FSTL5: variants seen among roughly 807,000 people sequenced by gnomAD.
FSTL5 encodes follistatin like 5.
Under a neutral mutation model 89.1 loss-of-function variants are expected in FSTL5, and 62 were observed. That is an observed-to-expected ratio of 0.70 (90% confidence interval 0.57 to 0.86). The LOEUF is 0.86. Among genes scored for constraint, FSTL5 ranks in the 40% least tolerant of loss-of-function variants. The pLI, the probability that FSTL5 is intolerant of heterozygous loss-of-function variation, is 0.00. For missense variants in FSTL5, 1,057 were observed against 1,001.6 expected, an observed-to-expected ratio of 1.06 and a Z score of -0.75; for synonymous variants, 383 against 346.2, an observed-to-expected ratio of 1.11 and a Z score of -1.18.
chr4:161,449,004 T>C (rs1733057723), intron 15 of FSTL5, among the ~76,000 whole-genome samples: 1 of 152,206 alleles, frequency 6.6e-6, no homozygotes, highest in Non-Finnish European at 1.5e-5. Context: ...ACTAGTTGTT[T>C]GTTTACTTGT....
chr4:161,412,351 T>C (rs1731620651), intron 15 of FSTL5, among the ~76,000 whole-genome samples: 1 of 151,852 alleles, frequency 6.6e-6, no homozygotes. Context: ...CTAAAATTCA[T>C]ATAGAACCAA....
chr4:162,143,742 A>C (rs372591537), intron 1 of FSTL5, among the ~76,000 whole-genome samples: 6 of 24,960 alleles, frequency 2.4e-4, no homozygotes, highest in African/African-American at 6.2e-4. Context: ...ACACACACAC[A>C]CACACACCCA....
At chr4:161,542,925 C>T (rs1454120824) in intron 8 of FSTL5, among the ~76,000 whole-genome samples, 1 of 151,852 alleles carries the variant, frequency 6.6e-6, no homozygotes, top group Non-Finnish European at 1.5e-5. Context: ...CCTGGAATAT[C>T]TTGTTTCAGA....
intron 3 of FSTL5, among the ~76,000 whole-genome samples, chr4:161,940,819 A>G (rs1277411201): frequency 4.0e-5 from 6 of 151,816 alleles, no homozygotes; most frequent in Non-Finnish European, 8.8e-5. Context: ...GCAACATGAA[A>G]AAAACAAAAC....
chr4:161,902,912 C>A (rs1160323875), intron 4 of FSTL5, among the ~76,000 whole-genome samples: 1 of 152,036 alleles, frequency 6.6e-6, no homozygotes, highest in Non-Finnish European at 1.5e-5. Flanking sequence ...TAATTCTTGC[C>A]TACCCTCATA....
At chr4:161,720,407 A>G (rs1739155356) in intron 6 of FSTL5, among the ~76,000 whole-genome samples, 1 of 152,142 alleles carries the variant, frequency 6.6e-6, no homozygotes, top group African/African-American at 2.4e-5. Context: ...TTTGTACACT[A>G]TTGATGGGAA....
At chr4:162,070,858 T>C (rs1729591701) in intron 2 of FSTL5, among the ~76,000 whole-genome samples, 1 of 151,734 alleles carries the variant, frequency 6.6e-6, no homozygotes, top group Admixed American at 6.6e-5. Flanking sequence ...GCATGCAAAC[T>C]TGAGGAAATT....
chr4:162,108,876 T>C (rs1731331231), intron 2 of FSTL5, among the ~76,000 whole-genome samples: 1 of 152,060 alleles, frequency 6.6e-6, no homozygotes, highest in South Asian at 2.1e-4. Flanking sequence ...CCATAATTTA[T>C]TGAACGTGTA....
chr4:161,652,581 T>C (rs1327244176), intron 7 of FSTL5, among the ~76,000 whole-genome samples: 1 of 152,150 alleles, frequency 6.6e-6, no homozygotes, highest in Non-Finnish European at 1.5e-5. Flanking sequence ...AATAAAATTA[T>C]ATATGCAATG....
At chr4:161,633,912 T>G (rs183505412) in intron 7 of FSTL5, among the ~76,000 whole-genome samples, 1 of 152,178 alleles carries the variant, frequency 6.6e-6, no homozygotes, top group African/African-American at 2.4e-5. Flanking sequence ...TATGTTAAAG[T>G]AAGTTTGTTA....
At chr4:161,973,841 T>C (rs947884723) in intron 3 of FSTL5, among the ~76,000 whole-genome samples, 5 of 152,184 alleles carry the variant, frequency 3.3e-5, no homozygotes, top group African/African-American at 9.7e-5. Context: ...GACGACATGA[T>C]TGTATATCTA....
chr4:161,680,930 T>C (rs4596203), intron 6 of FSTL5, among the ~76,000 whole-genome samples: 144,930 of 152,006 alleles, frequency 0.95, 69,272 homozygotes, highest in East Asian at 1. Flanking sequence ...TCCTTTTTGG[T>C]ATTAAAGGAA....
At chr4:161,492,863 T>C (rs2126472608) in intron 12 of FSTL5, among the ~76,000 whole-genome samples, 1 of 152,194 alleles carries the variant, frequency 6.6e-6, no homozygotes, top group African/African-American at 2.4e-5. Flanking sequence ...ACATGGAGAA[T>C]GTAAATATAT....
intron 3 of FSTL5, among the ~76,000 whole-genome samples, chr4:161,951,865 A>G (rs1040049850): frequency 1.3e-5 from 2 of 152,014 alleles, no homozygotes; most frequent in Admixed American, 6.6e-5. Context: ...TATATGAACA[A>G]ATTTTTGTAT....
At chr4:161,845,126 T>C (rs1731328233) in intron 4 of FSTL5, among the ~76,000 whole-genome samples, 1 of 152,172 alleles carries the variant, frequency 6.6e-6, no homozygotes, top group African/African-American at 2.4e-5. Context: ...TGAGTTGAAG[T>C]GTCCAGATCT....
chr4:161,599,781 T>C (rs528778528), intron 7 of FSTL5, among the ~76,000 whole-genome samples: 2 of 152,254 alleles, frequency 1.3e-5, no homozygotes, highest in South Asian at 2.1e-4. Context: ...TAATTTCTTT[T>C]CTCTTTGGAA....
chr4:162,140,715 G>T (rs551675924), intron 1 of FSTL5, among the ~76,000 whole-genome samples: 1 of 152,104 alleles, frequency 6.6e-6, no homozygotes, highest in Non-Finnish European at 1.5e-5. Flanking sequence ...TAACATAATC[G>T]ATGTAGAAAT....
chr4:162,058,404 T>G (rs574963335), intron 2 of FSTL5, among the ~76,000 whole-genome samples: 1 of 150,900 alleles, frequency 6.6e-6, no homozygotes, highest in South Asian at 2.1e-4. Flanking sequence ...AATGTTACAC[T>G]TTCAACTAAT....
At chr4:161,745,174 T>C (rs1195208904) in intron 6 of FSTL5, among the ~76,000 whole-genome samples, 2 of 152,088 alleles carry the variant, frequency 1.3e-5, no homozygotes, top group Admixed American at 1.3e-4. Flanking sequence ...CTCCATAAAC[T>C]ATTAAAAAAG....
Sources: gnomAD v4.1 joint callset for allele counts (sites outside exome capture counted in the v4.1 genomes callset) on GRCh38, gnomAD v4.1.1 for gene constraint, MANE v1.5 for transcripts, NCBI Gene and HGNC (gene_info 2026-07-23, HGNC 2026-07-21) for gene names.